PCGF6: variants seen among roughly 807,000 people sequenced by gnomAD.
The protein encoded by PCGF6 is polycomb group RING finger protein 6.
In PCGF6, 24 loss-of-function variants were observed where a neutral mutation model predicts 45.5. That is an observed-to-expected ratio of 0.53 (90% CI 0.38 to 0.74). PCGF6 has a LOEUF of 0.74. PCGF6 is among the 30% of genes least tolerant of loss of function. PCGF6 has a pLI of 0.00. For synonymous variants in PCGF6, 152 were observed against 162.1 expected, an observed-to-expected ratio of 0.94 and a Z score of 0.47; for missense variants, 356 against 443.2, an observed-to-expected ratio of 0.80 and a Z score of 1.77.
rs752565427 is a variant in PCGF6 at position 103,350,879 on chromosome 10, T to G, written c.188A>C (p.Glu63Ala). Residue 63 changes from glutamate (E) to alanine (A), a missense_variant, in exon 1 of 10, where the codon GAG becomes GCG. This residue lies in a region of PCGF6 where 307 missense variants were observed against 350.1 expected (regional missense o/e 0.88). Transcript: ENST00000369847. ...APGCSGSRPPELEPERSLGRF... is the reference protein window; with the variant it reads ...APGCSGSRPPALEPERSLGRF... ...GCCCAGGCTGCGCTCCGGCTCCAGC[T>G]CAGGGGGCCGGGAGCCGGAGCAGCC... 1 of 1,535,076 alleles carries G rather than the reference T, an allele frequency of 6.5e-7. No homozygotes were observed. The highest frequency in any genetic ancestry group is 1.2e-5 in the South Asian group (1 of 82,758).
At chr10:103,347,886 G>C (rs141623952) in intron 3 of PCGF6, among the ~76,000 whole-genome samples, 1 of 152,144 alleles carries the variant, frequency 6.6e-6, no homozygotes, top group African/African-American at 2.4e-5. Context: ...ATAAGAATAC[G>C]AGTTGAGGGC....
rs2093320229 is a variant in PCGF6, at chr10:103,351,109, C to T, written c.-43G>A. On this transcript the variant is annotated 5_prime_UTR_variant, in exon 1 of 10. Coordinates refer to ENST00000369847, the MANE Select transcript of PCGF6 (RefSeq NM_001011663.2). ...GGCGAGGCGAGGCGGCGGGAGAGCG[C>T]GGGAGTTCGGCCGGCCTCGGACGCC... is the stretch of plus-strand genomic sequence containing the variant. 1.5e-6 allele frequency: 2 copies of T among 1,335,852 alleles called. No individual in the cohort carries two copies. Among genetic ancestry groups the T allele is most frequent in the East Asian group, 5.6e-5 (2 of 35,780 alleles). 82.7% of individuals were successfully genotyped at this position (1,335,852 alleles called of 1,614,324 possible). A position where few individuals can be genotyped will look rare whatever the true frequency, so the allele number is the denominator to read the frequency against.
chr10:103,323,530 G>C (rs747134111), intron 8 of PCGF6, among the ~76,000 whole-genome samples: 2 of 152,032 alleles, frequency 1.3e-5, no homozygotes, highest in African/African-American at 2.4e-5. Context: ...CCTGACCTCA[G>C]GTGATCCACC....
chr10:103,327,964 T>G (rs963803650), intron 7 of PCGF6, among the ~76,000 whole-genome samples: 9 of 151,856 alleles, frequency 5.9e-5, no homozygotes, highest in African/African-American at 2.2e-4. Flanking sequence ...TATGAGCCAC[T>G]GCGCCCAGCC....
intron 9 of PCGF6, among the ~76,000 whole-genome samples, chr10:103,310,583 C>T (rs2093153667): frequency 6.6e-6 from 1 of 151,826 alleles, no homozygotes; most frequent in African/African-American, 2.4e-5. Context: ...TTCTTGGGAA[C>T]AGATTGTGAG....
intron 6 of PCGF6, among the ~76,000 whole-genome samples, chr10:103,339,468 AT>A (rs2093270376): frequency 6.6e-6 from 1 of 151,356 alleles, no homozygotes; most frequent in East Asian, 2.0e-4. Context: ...CTAAGGTTCA[AT>A]TTTTATTTAC....
intron 8 of PCGF6, among the ~76,000 whole-genome samples, chr10:103,319,463 C>T (rs1269427747): frequency 6.6e-6 from 1 of 151,990 alleles, no homozygotes; most frequent in Non-Finnish European, 1.5e-5. Flanking sequence ...ACATACTCTT[C>T]TTTGCTACTA....
intron 8 of PCGF6, among the ~76,000 whole-genome samples, chr10:103,317,676 A>C (rs1206858951): frequency 6.6e-6 from 1 of 152,096 alleles, no homozygotes; most frequent in Non-Finnish European, 1.5e-5. Context: ...GGTATATAGT[A>C]ACAAACTTAA....
chr10:103,322,218 T>C (rs1222745237), intron 8 of PCGF6, among the ~76,000 whole-genome samples: 7 of 152,014 alleles, frequency 4.6e-5, no homozygotes, highest in Non-Finnish European at 1.0e-4. Context: ...TTTTTATTTT[T>C]TTTGAGACAG....
intron 9 of PCGF6, among the ~76,000 whole-genome samples, chr10:103,305,553 G>T (rs186845977): frequency 2.4e-3 from 367 of 152,178 alleles, no homozygotes; most frequent in African/African-American, 7.8e-3. Context: ...TTACAAGTGT[G>T]ACCCGCTGCA....
At chr10:103,322,952 C>A (rs182467410) in intron 8 of PCGF6, among the ~76,000 whole-genome samples, 1 of 150,908 alleles carries the variant, frequency 6.6e-6, no homozygotes, top group African/African-American at 2.4e-5. Flanking sequence ...CACACAGACA[C>A]ATAAATAGCC....
chr10:103,330,099 T>C (rs1564730030), intron 7 of PCGF6, among the ~76,000 whole-genome samples: 1 of 150,902 alleles, frequency 6.6e-6, no homozygotes, highest in Non-Finnish European at 1.5e-5. Context: ...TTTTTTGAGA[T>C]GAAGTTTTGC....
intron 7 of PCGF6, among the ~76,000 whole-genome samples, chr10:103,330,353 G>A (rs1564730124): frequency 6.6e-6 from 1 of 152,056 alleles, no homozygotes; most frequent in African/African-American, 2.4e-5. Context: ...GGGATTACAG[G>A]CGTTAGCCAC....
At chr10:103,347,173 G>A (rs946035643) in intron 5 of PCGF6, 65 bp downstream of exon 5, 34 of 1,275,878 alleles carry the variant, frequency 2.7e-5, no homozygotes, top group African/African-American at 1.6e-4. Flanking sequence ...AACTTCAAAG[G>A]GCATATATTT....
chr10:103,338,864 G>T (rs979430170), intron 6 of PCGF6, among the ~76,000 whole-genome samples: 16 of 151,806 alleles, frequency 1.1e-4, no homozygotes, highest in Admixed American at 1.1e-3. Context: ...GTGAAACTCC[G>T]TCTCAAAAGA....
rs933924777 is a variant in PCGF6, at chr10:103,345,254, C to T, written c.674-122G>A. ...TTTAAAAGATCATAAACCACTCAAT[C>T]TCCCTGTCTTTAATGACATTGGCTA... On this transcript the variant is annotated intron_variant, in intron 5 of 9. Transcript: ENST00000369847. 5.0e-5 allele frequency: 34 copies of T among 684,942 alleles called. No homozygotes were observed. In the African/African-American group the frequency reaches 5.5e-4, roughly 11 times the overall value. 42.4% of individuals were successfully genotyped at this position (684,942 alleles called of 1,614,324 possible).
intron 6 of PCGF6, 121 bp downstream of exon 6, chr10:103,344,903 A>G: frequency 1.5e-6 from 1 of 654,238 alleles, no homozygotes; most frequent in Non-Finnish European, 2.6e-6. Flanking sequence ...TCTAATATTC[A>G]GTTATTTCAT....
rs1361339197 is a variant in PCGF6, at chr10:103,303,884, C to T, written c.*21G>A. 4 of 1,596,416 alleles carry T rather than the reference C, an allele frequency of 2.5e-6. No individual in the cohort carries two copies. The highest frequency in any genetic ancestry group is 2.2e-5 in the South Asian group (2 of 90,378). On this transcript the variant is annotated 3_prime_UTR_variant, in exon 10 of 10. Coordinates refer to ENST00000369847, the MANE Select transcript of PCGF6 (RefSeq NM_001011663.2). ...TGCAGAAGCCTCCTTTGTTTCCCTC[C>T]TCATAATGTGCCTAGAATCTTCAAG... is the stretch of plus-strand genomic sequence containing the variant.
rs1554866940 is a variant in PCGF6, at chr10:103,350,983, A to AAGAGGC, written c.83_84insGCCTCT (p.Pro28_Val29insProLeu). 3 of 1,410,820 alleles carry AAGAGGC rather than the reference A, an allele frequency of 2.1e-6. No individual in the cohort carries two copies. The highest frequency in any genetic ancestry group is 2.8e-6 in the Non-Finnish European group (3 of 1,083,250). 87.4% of individuals were successfully genotyped at this position (1,410,820 alleles called of 1,614,324 possible). A position where few individuals can be genotyped will look rare whatever the true frequency, so the allele number is the denominator to read the frequency against. On this transcript the variant is annotated inframe_insertion, in exon 1 of 10. Coordinates refer to ENST00000369847, the MANE Select transcript of PCGF6 (RefSeq NM_001011663.2). ...CAGGGGTGAGGGCGGGCGGGGAGAC[A>AAGAGGC]GGAGGCGGAGGCGGCAAGGCTGCAG...
Sources: allele counts gnomAD v4.1 joint callset (sites outside exome capture counted in the v4.1 genomes callset), GRCh38; gene constraint gnomAD v4.1.1; regional missense constraint gnomAD v4.1.1; transcripts MANE v1.5; gene names NCBI Gene and HGNC (gene_info 2026-07-23, HGNC 2026-07-21).